The following SCN3A variants were observed in gnomAD, a reference collection of about 807,000 sequenced individuals.
SCN3A encodes the protein sodium voltage-gated channel alpha subunit 3, also known as sodium channel protein type 3 subunit alpha.
Under a neutral mutation model 187.6 loss-of-function variants are expected in SCN3A, and 60 were observed. That is an observed-to-expected ratio of 0.32 (90% CI 0.26 to 0.40). The LOEUF is 0.40. Ranked by LOEUF, SCN3A falls within the 10% of genes least tolerant of loss-of-function variation. The pLI is 1.00. For synonymous variants in SCN3A, 788 were observed against 829.2 expected (o/e 0.95, Z 0.85); for missense variants, 1,601 against 2,428.2 (o/e 0.66, Z 7.16).
intron 12 of SCN3A, among the ~76,000 whole-genome samples, chr2:165,146,382 A>ATGTGTG (rs5836018): frequency 8.1e-4 from 87 of 107,870 alleles, no homozygotes; most frequent in Admixed American, 1.5e-3. Context: ...ATATATATAT[A>ATGTGTG]TGTGTGTGTG....
chr2:165,093,748 A>G (rs1442979993), intron 26 of SCN3A: 6 of 152,318 alleles, frequency 3.9e-5, no homozygotes, highest in Non-Finnish European at 8.8e-5. Context: ...AGTTCTGGCA[A>G]TTACAAGATT....
rs1427035318 is a variant in SCN3A, at chr2:165,088,656, T to C, written c.*1494A>G. 1 of 152,560 alleles carries C rather than the reference T, an allele frequency of 6.6e-6. No homozygotes were observed. The highest frequency in any genetic ancestry group is 1.5e-5 in the Non-Finnish European group (1 of 67,972). 9.5% of individuals were successfully genotyped at this position (152,560 alleles called of 1,614,324 possible). A position where few individuals can be genotyped will look rare whatever the true frequency, so the allele number is the denominator to read the frequency against. ...TCTTATGGATTCAAAAGTTTGGAAT[T>C]GTGATTAAAAATCAAAAGCAAAAGC... On this transcript the variant is annotated 3_prime_UTR_variant, in exon 28 of 28. Transcript: ENST00000283254.
chr2:165,146,491 T>C (rs1688344781), intron 12 of SCN3A, among the ~76,000 whole-genome samples: 3 of 148,322 alleles, frequency 2.0e-5, no homozygotes, highest in Non-Finnish European at 4.5e-5. Flanking sequence ...ATTATATATA[T>C]CTATATATTA....
At chr2:165,111,050 C>A (rs950662356) in intron 21 of SCN3A, among the ~76,000 whole-genome samples, 26 of 152,216 alleles carry the variant, frequency 1.7e-4, no homozygotes, top group African/African-American at 5.8e-4. Context: ...TTTAAAATAA[C>A]CTTGCTGGGC....
rs397869445 is a variant in SCN3A, at chr2:165,120,799, C to CT, written c.3394-5225dup. 4.7e-3 allele frequency among the ~76,000 whole-genome samples: 630 copies of CT among 135,300 alleles called. 3 individuals carry two copies. Among genetic ancestry groups the CT allele is most frequent in the Middle Eastern group, 0.012 (3 of 244 alleles). The allele number at this position is 135,300 out of a possible 152,430, so 88.8% of individuals were successfully genotyped here. A position where few individuals can be genotyped will look rare whatever the true frequency, so the allele number is the denominator to read the frequency against. ...GGCGGGAAGGAAAAGGCCAGTAGCT[C>CT]TTTTTTTTTTTTTTTTCACGATCAC... On this transcript the variant is annotated intron_variant, in intron 18 of 27. Coordinates refer to ENST00000283254, the MANE Select transcript of SCN3A (RefSeq NM_006922.4).
At chr2:165,133,445 C>G (rs888829456) in intron 15 of SCN3A, among the ~76,000 whole-genome samples, 4 of 152,002 alleles carry the variant, frequency 2.6e-5, no homozygotes, top group Admixed American at 2.0e-4. Context: ...TCAAGTGATT[C>G]TCCAGTCTCA....
At chr2:165,112,840 G>C (rs1408163126) in intron 21 of SCN3A, 45 bp downstream of exon 21, 1 of 1,519,026 alleles carries the variant, frequency 6.6e-7, no homozygotes, top group Non-Finnish European at 9.1e-7. Flanking sequence ...TGTCAAACTT[G>C]CCTCTTTTAA....
intron 18 of SCN3A, among the ~76,000 whole-genome samples, chr2:165,125,597 G>A (rs536752576): frequency 6.6e-6 from 1 of 152,140 alleles, no homozygotes; most frequent in Non-Finnish European, 1.5e-5. Context: ...GATTACAGAC[G>A]TGAGCTACCG....
chr2:165,183,721 C>T (rs1691037243), intron 2 of SCN3A, among the ~76,000 whole-genome samples: 1 of 152,126 alleles, frequency 6.6e-6, no homozygotes, highest in Non-Finnish European at 1.5e-5. Flanking sequence ...CTCTCTTTCC[C>T]TCTCTCTGTC....
rs1684980644 is a variant in SCN3A at position 165,089,602 on chromosome 2, C to T, written c.*548G>A. 1 of 153,500 alleles carries T rather than the reference C, an allele frequency of 6.5e-6. No homozygotes were observed. The highest frequency in any genetic ancestry group is 2.4e-5 in the African/African-American group (1 of 41,432). The allele number at this position is 153,500 out of a possible 1,614,324, so 9.5% of individuals were successfully genotyped here. The stretch of plus-strand genomic sequence containing the variant: ...GAAGTAACTGAAACTGTAGCCATTA[C>T]AATTCTTTTTCTGGTTTTGAGCAAA... On this transcript the variant is annotated 3_prime_UTR_variant, in exon 28 of 28. Coordinates refer to ENST00000283254, the MANE Select transcript of SCN3A (RefSeq NM_006922.4).
rs151316572 is a variant in SCN3A at position 165,125,396 on chromosome 2, C to T, written c.3393+2235G>A. 1.6e-3 allele frequency among the ~76,000 whole-genome samples: 242 copies of T among 152,154 alleles called. 1 individual carries two copies. The highest frequency in any genetic ancestry group is 5.3e-3 in the African/African-American group (219 of 41,524). ...TCCGCTCACTGCAAGCTCCGCCTAC[C>T]GGGTTCACACCATTCTCCCGCCTCA... On this transcript the variant is annotated intron_variant, in intron 18 of 27. Transcript: ENST00000283254.
chr2:165,130,377 G>C, intron 16 of SCN3A, 81 bp from the exon 17 acceptor site: 1 of 1,425,122 alleles, frequency 7.0e-7, no homozygotes, highest in Non-Finnish European at 9.8e-7. Flanking sequence ...TGGTATCATA[G>C]AACCACACGT....
intron 18 of SCN3A, among the ~76,000 whole-genome samples, chr2:165,123,444 T>C (rs1387253574): frequency 1.3e-5 from 2 of 152,146 alleles, no homozygotes; most frequent in African/African-American, 4.8e-5. Context: ...AACTAGAGTT[T>C]CCAAATACCA....
At chr2:165,196,774 T>C (rs1347367566) in intron 1 of SCN3A, among the ~76,000 whole-genome samples, 1 of 152,182 alleles carries the variant, frequency 6.6e-6, no homozygotes, top group Non-Finnish European at 1.5e-5. Flanking sequence ...GTTTACAGAA[T>C]CTGCCTTTCC....
intron 5 of SCN3A, among the ~76,000 whole-genome samples, chr2:165,165,003 C>T (rs1689658355): frequency 6.6e-6 from 1 of 152,090 alleles, no homozygotes; most frequent in African/African-American, 2.4e-5. Context: ...CCATATGTGG[C>T]TAGTGGCTTC....
intron 5 of SCN3A, 37 bp downstream of exon 5, chr2:165,168,699 T>C: frequency 3.0e-6 from 4 of 1,332,556 alleles, no homozygotes; most frequent in Non-Finnish European, 4.3e-6. Flanking sequence ...AGAATTTGAG[T>C]GTGCATTTCT....
At chr2:165,174,134 C>T (rs1225235411) in intron 3 of SCN3A, among the ~76,000 whole-genome samples, 1 of 152,186 alleles carries the variant, frequency 6.6e-6, no homozygotes, top group Non-Finnish European at 1.5e-5. Context: ...GCCTCAAACT[C>T]CTGACCTCAA....
At chr2:165,171,082 G>A (rs2105912046) in intron 3 of SCN3A, among the ~76,000 whole-genome samples, 1 of 152,050 alleles carries the variant, frequency 6.6e-6, no homozygotes, top group Non-Finnish European at 1.5e-5. Flanking sequence ...GAAGAGAGAT[G>A]GATGCATTGA....
rs1250254418 is a variant in SCN3A, at chr2:165,163,626, A to G, written c.686T>C (p.Val229Ala). 1.2e-6 allele frequency: 2 copies of G among 1,613,894 alleles called. No individual in the cohort carries two copies. The highest frequency in any genetic ancestry group is 1.3e-5 in the African/African-American group (1 of 74,918). The change falls in exon 7 of 28, where the codon GTC becomes GCC. Residue 229 changes from valine to alanine, a missense_variant. By Grantham distance (64) the Val-to-Ala change is moderately conservative (BLOSUM62 0). This residue lies in a region of SCN3A where 122 missense variants were observed against 225.1 expected (regional missense o/e 0.54). Coordinates refer to ENST00000283254, the MANE Select transcript of SCN3A (RefSeq NM_006922.4). ...TTTAACCTAGCTCTCACCTGGAATG[A>G]CTGAAATTGTTTTCAGTGCTCGGAG... ...RVLRALKTIS[V>A]IPGLKTIVGA...
Sources: gnomAD v4.1 joint callset for allele counts (sites outside exome capture counted in the v4.1 genomes callset) on GRCh38, gnomAD v4.1.1 for gene constraint, gnomAD v4.1.1 regional missense constraint, MANE v1.5 for transcripts, NCBI Gene and HGNC (gene_info 2026-07-23, HGNC 2026-07-21) for gene names.